Variants in HLCS observed in about 807,000 individuals in gnomAD.
HLCS encodes biotin--protein ligase.
HLCS carries 53 observed loss-of-function variants against 75.0 expected under a neutral mutation model. The ratio of observed to expected loss-of-function variants is 0.71; its 90% CI spans 0.57 to 0.89. The LOEUF (loss-of-function observed/expected upper bound fraction) is 0.89, where lower values mean the gene tolerates loss of function less well. Ranked by LOEUF, HLCS falls within the 40% of genes least tolerant of loss-of-function variation. The pLI is 0.00. For synonymous variants in HLCS, 431 were observed against 428.6 expected, an observed-to-expected ratio of 1.01 and a Z score of -0.07; for missense variants, 966 against 1,074.0, an observed-to-expected ratio of 0.90 and a Z score of 1.41.
chr21:36,860,388 T>C, intron 6 of HLCS, among the ~76,000 whole-genome samples: 1 of 126,214 alleles, frequency 7.9e-6, no homozygotes, highest in Non-Finnish European at 1.8e-5. Flanking sequence ...CGCCAGGAAG[T>C]CAGGCTAATT....
chr21:36,865,057 C>A (rs1391086865), intron 6 of HLCS, among the ~76,000 whole-genome samples: 2 of 151,682 alleles, frequency 1.3e-5, no homozygotes, highest in African/African-American at 4.8e-5. Context: ...CTCAGACAGG[C>A]TCCATCCATA....
intron 1 of HLCS, among the ~76,000 whole-genome samples, chr21:36,988,976 TAATC>T (rs1011698909): frequency 3.6e-4 from 55 of 152,072 alleles, no homozygotes; most frequent in African/African-American, 1.2e-3. Context: ...CATCTGTCTT[TAATC>T]AATGGTAGGG....
rs2146336131 is a variant in HLCS at position 36,897,069 on chromosome 21, T to C, written c.1683A>G (p.Lys561=). ...CAAATCTAAGAGAGAGCTGGCCGGA[T>C]TTTATTTCTCCCTCGGAGTCCACAT... ...GKHVDSEGEI[K]SGQLSLRFVS... The change falls in exon 6 of 11, where the codon AAA becomes AAG. Residue 561 remains lysine (K), a synonymous_variant. Coordinates refer to ENST00000674895, the MANE Select transcript of HLCS (RefSeq NM_001352514.2). 6.2e-7 allele frequency: 1 copy of C among 1,614,118 alleles called. No individual in the cohort carries two copies.
chr21:36,977,254 C>T (rs536858620), intron 1 of HLCS, among the ~76,000 whole-genome samples: 1 of 152,132 alleles, frequency 6.6e-6, no homozygotes, highest in African/African-American at 2.4e-5. Flanking sequence ...CCTGGTTGGG[C>T]GAAGGGAGAA....
chr21:36,770,888 C>T (rs1482563308), intron 6 of HLCS, among the ~76,000 whole-genome samples: 1 of 152,088 alleles, frequency 6.6e-6, no homozygotes, highest in Non-Finnish European at 1.5e-5. Flanking sequence ...AAATACAGAA[C>T]TTCTAAGTAT....
intron 6 of HLCS, among the ~76,000 whole-genome samples, chr21:36,871,951 C>A (rs1161570074): frequency 6.6e-6 from 1 of 152,088 alleles, no homozygotes; most frequent in African/African-American, 2.4e-5. Context: ...AACTGCACAC[C>A]CACCAGACCA....
intron 6 of HLCS, chr21:36,896,648 T>C (rs974228511): frequency 3.7e-5 from 22 of 588,934 alleles, no homozygotes; most frequent in African/African-American, 3.7e-4. Flanking sequence ...ACAACCACCT[T>C]CCATTCCCAT....
At chr21:36,965,270 A>G (rs1010310760) in intron 1 of HLCS, among the ~76,000 whole-genome samples, 1 of 152,224 alleles carries the variant, frequency 6.6e-6, no homozygotes, top group Admixed American at 6.5e-5. Context: ...GCTAAAAGTG[A>G]GGCAATATTC....
intron 1 of HLCS, among the ~76,000 whole-genome samples, chr21:36,989,341 T>A (rs1271521086): frequency 8.9e-6 from 1 of 112,232 alleles, no homozygotes; most frequent in Non-Finnish European, 1.8e-5. Context: ...TTTTTTTTAA[T>A]GAGACGGAGT....
chr21:36,976,168 ACTGCCAGCC>A (rs1239642349), intron 1 of HLCS, among the ~76,000 whole-genome samples: 2 of 152,168 alleles, frequency 1.3e-5, no homozygotes, highest in Non-Finnish European at 2.9e-5. Flanking sequence ...AAGGTGCACC[ACTGCCAGCC>A]CTGACAGCCT....
intron 6 of HLCS, among the ~76,000 whole-genome samples, chr21:36,839,311 A>T (rs773911340): frequency 1.1e-4 from 17 of 152,346 alleles, no homozygotes; most frequent in South Asian, 6.2e-4. Context: ...GCTCACTTTC[A>T]GAAATGAATC....
In HLCS at chr21:36,930,371, G is replaced by T. The variant is rs200631719; in HGVS notation, c.1500C>A (p.Leu500=). The change falls in exon 5 of 11, where the codon CTC becomes CTA. Residue 500 remains leucine (L), a synonymous_variant. Coordinates refer to ENST00000674895, the MANE Select transcript of HLCS (RefSeq NM_001352514.2). ...CGTATCTTCTAAAATTGCTTGACTT[G>T]AGCAAGTTAAAATCTTCTGGAGTTT... ...IVQTPEDFNL[L]KSSNFRRYEV... is the part of the protein sequence containing the mutation. 2.5e-5 allele frequency: 40 copies of T among 1,614,080 alleles called. No homozygotes were observed. The African/African-American group carries it at 4.7e-4, about 19-fold the overall frequency.
At chr21:36,896,719 G>A in intron 6 of HLCS, 141 bp downstream of exon 6, 1 of 921,940 alleles carries the variant, frequency 1.1e-6, no homozygotes, top group South Asian at 1.5e-5. Context: ...ACTCTTCTAG[G>A]ACAAGAGTAC....
chr21:36,809,637 A>T (rs1182707543), intron 6 of HLCS, among the ~76,000 whole-genome samples: 1 of 152,058 alleles, frequency 6.6e-6, no homozygotes, highest in Admixed American at 6.5e-5. Context: ...CAGTTCTAGA[A>T]TTTCCATTTG....
intron 6 of HLCS, among the ~76,000 whole-genome samples, chr21:36,876,350 C>T (rs555469694): frequency 1.3e-5 from 2 of 152,254 alleles, no homozygotes; most frequent in African/African-American, 4.8e-5. Context: ...AAATACCTGC[C>T]GTGATTTTGA....
intron 4 of HLCS, among the ~76,000 whole-genome samples, chr21:36,933,566 A>C (rs970375399): frequency 2.6e-5 from 4 of 151,754 alleles, no homozygotes; most frequent in South Asian, 2.1e-4. Flanking sequence ...AAAAAAAAAA[A>C]AAAAAACAAT....
intron 6 of HLCS, among the ~76,000 whole-genome samples, chr21:36,859,115 C>T (rs191445554): frequency 1.2e-4 from 19 of 152,296 alleles, no homozygotes; most frequent in African/African-American, 4.1e-4. Context: ...CTCCACCTCC[C>T]GAGTTCAAGC....
chr21:36,909,085 A>G (rs2065589038), intron 5 of HLCS, among the ~76,000 whole-genome samples: 2 of 152,126 alleles, frequency 1.3e-5, no homozygotes, highest in South Asian at 2.1e-4. Flanking sequence ...AGTCCCAGCT[A>G]CTGAGGGAGA....
At chr21:36,806,769 T>C (rs2061373559) in intron 6 of HLCS, among the ~76,000 whole-genome samples, 2 of 152,200 alleles carry the variant, frequency 1.3e-5, no homozygotes, top group Admixed American at 1.3e-4. Flanking sequence ...AACGCAAAAC[T>C]AAGCAGCCCG....
Sources: allele counts gnomAD v4.1 joint callset (sites outside exome capture counted in the v4.1 genomes callset), GRCh38; gene constraint gnomAD v4.1.1; transcripts MANE v1.5; gene names NCBI Gene and HGNC (gene_info 2026-07-23, HGNC 2026-07-21).